ADGRD1: variants seen among roughly 807,000 people sequenced by gnomAD.
ADGRD1 encodes G-protein coupled receptor 133.
ADGRD1 carries 77 observed loss-of-function variants against 113.4 expected under a neutral mutation model. That is an observed-to-expected ratio of 0.68 (90% CI 0.57 to 0.82). The LOEUF (loss-of-function observed/expected upper bound fraction) is 0.82, where lower values mean the gene tolerates loss of function less well. Ranked by LOEUF, ADGRD1 falls within the 40% of genes least tolerant of loss-of-function variation. The pLI is 0.00. For synonymous variants in ADGRD1, 474 were observed against 475.0 expected (o/e 1.00, Z 0.03); for missense variants, 1,036 against 1,139.1 (o/e 0.91, Z 1.30).
intron 13 of ADGRD1, among the ~76,000 whole-genome samples, chr12:131,054,292 C>G (rs1008089777): frequency 6.6e-6 from 1 of 152,216 alleles, no homozygotes; most frequent in Non-Finnish European, 1.5e-5. Context: ...TCCTTCCCAC[C>G]TCCCTCCCCT....
intron 4 of ADGRD1, among the ~76,000 whole-genome samples, chr12:130,972,909 G>A (rs528494485): frequency 6.6e-6 from 1 of 152,242 alleles, no homozygotes; most frequent in Admixed American, 6.5e-5. Context: ...AGACAGTGAT[G>A]GGACCAGCGG....
At chr12:131,104,762 C>G in intron 15 of ADGRD1, 69 bp from the exon 16 acceptor site, 1 of 1,080,708 alleles carries the variant, frequency 9.3e-7, no homozygotes, top group Non-Finnish European at 1.4e-6. Context: ...CCACCTGGGC[C>G]CTCTGCAGCT....
intron 13 of ADGRD1, among the ~76,000 whole-genome samples, chr12:131,064,061 T>C (rs1359456367): frequency 4.6e-5 from 7 of 152,252 alleles, no homozygotes; most frequent in Admixed American, 4.6e-4. Flanking sequence ...ACTCACTTAA[T>C]AATTGTAGGA....
At chr12:131,127,666 T>C (rs1447913733) in intron 20 of ADGRD1, among the ~76,000 whole-genome samples, 2 of 142,166 alleles carry the variant, frequency 1.4e-5, no homozygotes, top group African/African-American at 5.3e-5. Flanking sequence ...GTTATGGGAC[T>C]CTGAGCTCAG....
intron 13 of ADGRD1, among the ~76,000 whole-genome samples, chr12:131,038,173 T>C (rs986207271): frequency 6.6e-6 from 1 of 152,250 alleles, no homozygotes; most frequent in Non-Finnish European, 1.5e-5. Context: ...CTCTAACTGT[T>C]GAGACGTGTG....
intron 15 of ADGRD1, among the ~76,000 whole-genome samples, chr12:131,085,225 G>A (rs1727349): frequency 0.065 from 9,954 of 152,244 alleles, 364 homozygotes; most frequent in Non-Finnish European, 0.078. Flanking sequence ...AGCGGGGAGC[G>A]GGGCGTCTTC....
intron 2 of ADGRD1, among the ~76,000 whole-genome samples, chr12:130,964,370 A>G (rs1870761965): frequency 6.6e-6 from 1 of 152,116 alleles, no homozygotes; most frequent in Non-Finnish European, 1.5e-5. Flanking sequence ...TTGTTGAATA[A>G]TATTTCTCCT....
At chr12:131,078,621 C>T (rs1401837532) in intron 14 of ADGRD1, among the ~76,000 whole-genome samples, 1 of 152,132 alleles carries the variant, frequency 6.6e-6, no homozygotes, top group East Asian at 1.9e-4. Context: ...ATTTTAAGAA[C>T]ATAGAAAAGT....
At chr12:130,967,494 G>T (rs7312702) in intron 3 of ADGRD1, 13,674 of 156,106 alleles carry the variant, frequency 0.088, 790 homozygotes, top group East Asian at 0.17. Context: ...AGGGTTTACC[G>T]TACAGCAATC....
chr12:131,004,392 G>GCTGCGGTGCTCCACCGGGCCGC, intron 11 of ADGRD1, 96 bp downstream of exon 11: 3 of 790,716 alleles, frequency 3.8e-6, no homozygotes, highest in South Asian at 1.5e-5. Flanking sequence ...GCGCCAGGGA[G>GCTGCGGTGCTCCACCGGGCCGC]CTGCGGTGCT....
At chr12:130,975,036 G>C (rs1343974056) in intron 4 of ADGRD1, among the ~76,000 whole-genome samples, 1 of 152,138 alleles carries the variant, frequency 6.6e-6, no homozygotes, top group East Asian at 1.9e-4. Context: ...TGAATGTTAA[G>C]CTTAGAAAAC....
At chr12:131,133,275 T>A (rs1026372606) in intron 21 of ADGRD1, among the ~76,000 whole-genome samples, 1 of 152,146 alleles carries the variant, frequency 6.6e-6, no homozygotes, top group African/African-American at 2.4e-5. Context: ...CTGAGCCCCA[T>A]GAGGCCACTA....
rs1392865703 is a variant in ADGRD1, at chr12:130,965,051, C to T, written c.104-1412C>T. 2.6e-5 allele frequency among the ~76,000 whole-genome samples: 4 copies of T among 152,174 alleles called. No homozygotes were observed. The highest frequency in any genetic ancestry group is 2.1e-4 in the South Asian group (1 of 4,834). Reference sequence around the variant, plus strand: ...GAATAGGTTGAATCCTTCATGCATTCGAGGGTGCTTTCACATCCCTCAGAA... The same window carrying T: ...GAATAGGTTGAATCCTTCATGCATTTGAGGGTGCTTTCACATCCCTCAGAA... On this transcript the variant is annotated intron_variant, in intron 2 of 24. Coordinates refer to ENST00000261654, the MANE Select transcript of ADGRD1 (RefSeq NM_198827.5). The surrounding 1 kb of genome is among the most constrained non-coding windows in gnomAD (Gnocchi z 4.8).
chr12:130,970,042 G>A (rs1037080720), intron 3 of ADGRD1: 3 of 152,178 alleles, frequency 2.0e-5, no homozygotes, highest in Admixed American at 2.0e-4. Context: ...CATTTCGTCT[G>A]TAGCTGGACT....
chr12:130,985,613 C>T (rs1015404027), intron 5 of ADGRD1, among the ~76,000 whole-genome samples: 8 of 151,050 alleles, frequency 5.3e-5, no homozygotes, highest in Admixed American at 3.3e-4. Flanking sequence ...TGCAATGGGG[C>T]GATCTCGGCT....
At chr12:131,118,835 C>T (rs948389697) in intron 19 of ADGRD1, among the ~76,000 whole-genome samples, 4 of 152,170 alleles carry the variant, frequency 2.6e-5, no homozygotes, top group African/African-American at 9.7e-5. Flanking sequence ...CTGTGCAGAC[C>T]GTGTGCCCAG....
chr12:131,098,264 G>T (rs146336866), intron 15 of ADGRD1, among the ~76,000 whole-genome samples: 3 of 84,652 alleles, frequency 3.5e-5, no homozygotes, highest in African/African-American at 8.8e-5. Flanking sequence ...AATCCCGAGC[G>T]GGGAGGGTCT....
intron 20 of ADGRD1, among the ~76,000 whole-genome samples, chr12:131,130,455 C>T (rs921534148): frequency 2.0e-5 from 3 of 152,204 alleles, no homozygotes; most frequent in African/African-American, 7.2e-5. Flanking sequence ...TCCCAAAGAA[C>T]AGCACCAGGA....
rs913489868 is a variant in ADGRD1, at chr12:131,050,434, C to A, written c.1474-26367C>A. 3.9e-5 allele frequency among the ~76,000 whole-genome samples: 6 copies of A among 152,002 alleles called. No homozygotes were observed. Among genetic ancestry groups the A allele is most frequent in the Admixed American group, 3.9e-4 (6 of 15,256 alleles). On this transcript the variant is annotated intron_variant, in intron 13 of 24. Transcript: ENST00000261654. This position sits in a 1 kb window ranked among gnomAD's most constrained non-coding sequence, Gnocchi z 4.8. ...TCATTGCTATAAGAAATACCTGAGGCTGGGTAATTTATTTTAAAAAAAGAG... is the reference window on the plus strand; with the variant it reads ...TCATTGCTATAAGAAATACCTGAGGATGGGTAATTTATTTTAAAAAAAGAG...
Sources: allele counts gnomAD v4.1 joint callset (sites outside exome capture counted in the v4.1 genomes callset), GRCh38; gene constraint gnomAD v4.1.1; non-coding constraint Gnocchi (gnomAD v3.1); transcripts MANE v1.5; gene names NCBI Gene and HGNC (gene_info 2026-07-23, HGNC 2026-07-21).